Variants in REC114 observed in about 807,000 individuals in gnomAD.
REC114 encodes meiotic recombination protein REC114.
In REC114, 27 loss-of-function variants were observed where a neutral mutation model predicts 31.3. That is an observed-to-expected ratio of 0.86 (90% CI 0.64 to 1.19). REC114 has a LOEUF of 1.19. Ranked by LOEUF, REC114 falls within the 50% of genes most tolerant of loss-of-function variation. The probability of loss-of-function intolerance (pLI) is 0.00; values close to 1 mark genes in which losing one functional copy is unlikely to be tolerated. For synonymous variants in REC114, 134 were observed against 127.7 expected (o/e 1.05, Z -0.33); for missense variants, 344 against 326.9 (o/e 1.05, Z -0.40).
intron 1 of REC114, among the ~76,000 whole-genome samples, chr15:73,467,066 T>C (rs564461474): frequency 6.6e-6 from 1 of 152,336 alleles, no homozygotes; most frequent in East Asian, 1.9e-4. Context: ...TAAGTTTGCA[T>C]GGATGGGGGT....
intron 3 of REC114, among the ~76,000 whole-genome samples, chr15:73,545,787 AC>A (rs1413949938): frequency 6.6e-6 from 1 of 152,154 alleles, no homozygotes; most frequent in Non-Finnish European, 1.5e-5. Context: ...GCTTGTGCAT[AC>A]AGCTTTTTAA....
chr15:73,443,315 G>C lies in REC114; in HGVS notation c.130G>C (p.Ala44Pro), dbSNP rs760814616. 1.3e-6 allele frequency: 2 copies of C among 1,582,712 alleles called. No individual in the cohort carries two copies. Among genetic ancestry groups the C allele is most frequent in the African/African-American group, 2.7e-5 (2 of 74,390 alleles). Residue 44 changes from alanine to proline, a missense_variant, in exon 1 of 6, where the codon GCT becomes CCT. Coordinates refer to ENST00000331090, the MANE Select transcript of REC114 (RefSeq NM_001042367.2). ...TRDPPGPCLE[A>P]GTAPCPTWKV... ...AGACCCACCTGGGCCATGCCTGGAAGCTGGGACAGCCCCCTGCCCCACATG... is the reference window on the plus strand; with the variant it reads ...AGACCCACCTGGGCCATGCCTGGAACCTGGGACAGCCCCCTGCCCCACATG...
chr15:73,525,716 T>TA (rs2141322139), intron 2 of REC114, among the ~76,000 whole-genome samples: 1 of 152,278 alleles, frequency 6.6e-6, no homozygotes, highest in Non-Finnish European at 1.5e-5. Context: ...ATTCTTCTTT[T>TA]AAAAACCTAC....
At chr15:73,556,231 G>T in intron 4 of REC114, 71 bp from the exon 5 acceptor site, 1 of 1,303,184 alleles carries the variant, frequency 7.7e-7, no homozygotes, top group Non-Finnish European at 1.1e-6. Context: ...GCATATTTCT[G>T]CTCTTTAATG....
intron 4 of REC114, among the ~76,000 whole-genome samples, chr15:73,551,661 C>T (rs1039906628): frequency 3.9e-5 from 6 of 152,132 alleles, no homozygotes; most frequent in Non-Finnish European, 8.8e-5. Context: ...CTCAAGGGAA[C>T]GCACCTGTGT....
chr15:73,470,088 G>A (rs1176694401), intron 1 of REC114, among the ~76,000 whole-genome samples: 4 of 152,126 alleles, frequency 2.6e-5, no homozygotes. Flanking sequence ...GACAACCTCT[G>A]CCTTTAATTG....
At position 73,463,546 on chromosome 15, in the gene REC114, C is replaced by T. The variant is rs774935722; in HGVS notation, c.160-10286C>T. Among the ~76,000 whole-genome samples the T allele has an allele frequency of 2.0e-5, 3 of 152,272 alleles. No individual in the cohort carries two copies. In the East Asian group the frequency reaches 5.8e-4, roughly 29 times the overall value. On this transcript the variant is annotated intron_variant, in intron 1 of 5. Coordinates refer to ENST00000331090, the MANE Select transcript of REC114 (RefSeq NM_001042367.2). ...CACTTAAAAAATGAGTTAAGCTGGG[C>T]GCTGTGCTTCACACCTGTAATTCTA...
At chr15:73,527,333 A>T (rs1894021738) in intron 2 of REC114, among the ~76,000 whole-genome samples, 1 of 152,178 alleles carries the variant, frequency 6.6e-6, no homozygotes, top group East Asian at 1.9e-4. Context: ...AGGAACGCAT[A>T]TGCAGGTTTC....
chr15:73,478,429 C>G (rs1199379825), intron 2 of REC114, among the ~76,000 whole-genome samples: 5 of 152,048 alleles, frequency 3.3e-5, no homozygotes, highest in Admixed American at 6.6e-5. Flanking sequence ...TTTCTGGACT[C>G]TTTTTTGTTC....
At chr15:73,471,141 CTG>C (rs1323988189) in intron 1 of REC114, among the ~76,000 whole-genome samples, 2 of 152,098 alleles carry the variant, frequency 1.3e-5, no homozygotes, top group Admixed American at 6.5e-5. Context: ...AGAATAAACT[CTG>C]TGTTGGAGAA....
chr15:73,447,689 A>G (rs145415118), intron 1 of REC114, among the ~76,000 whole-genome samples: 9 of 151,426 alleles, frequency 5.9e-5, no homozygotes, highest in African/African-American at 2.2e-4. Context: ...ATAAATAAAT[A>G]GGAAAATACA....
chr15:73,474,001 C>A, intron 2 of REC114, 80 bp downstream of exon 2: 1 of 858,898 alleles, frequency 1.2e-6, no homozygotes, highest in Non-Finnish European at 1.9e-6. Flanking sequence ...TATCCTCAAG[C>A]TTCTTCAGTC....
chr15:73,527,150 T>C (rs942296890), intron 2 of REC114, among the ~76,000 whole-genome samples: 24 of 152,322 alleles, frequency 1.6e-4, no homozygotes, highest in African/African-American at 5.5e-4. Context: ...GTGTATTCAA[T>C]GAAGTCTCTC....
At chr15:73,489,459 G>A (rs1893415612) in intron 2 of REC114, among the ~76,000 whole-genome samples, 1 of 151,850 alleles carries the variant, frequency 6.6e-6, no homozygotes, top group African/African-American at 2.4e-5. Flanking sequence ...ACTGACCTCA[G>A]CTTCCCAAAC....
At chr15:73,470,678 A>G (rs922577887) in intron 1 of REC114, among the ~76,000 whole-genome samples, 6 of 152,238 alleles carry the variant, frequency 3.9e-5, no homozygotes, top group African/African-American at 1.4e-4. Context: ...TAACAAGTAA[A>G]TATAACAAAG....
At chr15:73,521,899 C>CA (rs1253447819) in intron 2 of REC114, among the ~76,000 whole-genome samples, 1 of 152,136 alleles carries the variant, frequency 6.6e-6, no homozygotes, top group Non-Finnish European at 1.5e-5. Context: ...AGGAAGAACT[C>CA]AGATTTTTCT....
intron 2 of REC114, among the ~76,000 whole-genome samples, chr15:73,516,803 T>A (rs140444636): frequency 2.1e-4 from 32 of 152,212 alleles, no homozygotes; most frequent in Non-Finnish European, 3.5e-4. Context: ...TATTTTTTAT[T>A]TTTAGTAGAG....
At chr15:73,456,842 T>C (rs1038927909) in intron 1 of REC114, among the ~76,000 whole-genome samples, 5 of 152,164 alleles carry the variant, frequency 3.3e-5, no homozygotes, top group Non-Finnish European at 7.4e-5. Context: ...AAACTGTTAA[T>C]ATCTTATATG....
intron 1 of REC114, among the ~76,000 whole-genome samples, chr15:73,454,530 CA>C (rs1427580581): frequency 2.6e-5 from 4 of 152,078 alleles, no homozygotes; most frequent in Admixed American, 2.0e-4. Context: ...ATATTAGAGC[CA>C]GGGGCACTCC....
Sources: allele counts gnomAD v4.1 joint callset (sites outside exome capture counted in the v4.1 genomes callset), GRCh38; gene constraint gnomAD v4.1.1; transcripts MANE v1.5; gene names NCBI Gene and HGNC (gene_info 2026-07-23, HGNC 2026-07-21).